The following PIEZO2 variants were observed in gnomAD, a reference collection of about 807,000 sequenced individuals.
PIEZO2 encodes piezo-type mechanosensitive ion channel component 2.
A neutral mutation model predicts 337.3 loss-of-function variants in PIEZO2; 172 were observed. The observed-to-expected ratio is 0.51, with a 90% CI of 0.45 to 0.58. PIEZO2 has a LOEUF of 0.58. Among genes scored for constraint, PIEZO2 ranks in the 20% least tolerant of loss-of-function variants. The pLI, the probability that PIEZO2 is intolerant of heterozygous loss-of-function variation, is 0.00. For missense variants in PIEZO2, 3,028 were observed against 3,391.3 expected (o/e 0.89, Z 2.66); for synonymous variants, 1,251 against 1,228.5 (o/e 1.02, Z -0.38).
intron 48 of PIEZO2, among the ~76,000 whole-genome samples, chr18:10,690,143 C>T (rs549507474): frequency 1.4e-4 from 22 of 152,126 alleles, no homozygotes; most frequent in South Asian, 2.1e-4. Context: ...TGAATGACTG[C>T]GGCTCTGTTG....
intron 2 of PIEZO2, among the ~76,000 whole-genome samples, chr18:10,997,244 C>CAAAAAAAAAAAA (rs574657633): frequency 9.0e-6 from 1 of 111,016 alleles, no homozygotes. Flanking sequence ...TGACTGCCTG[C>CAAAAAAAAAAAA]AAAAAAAAAA....
intron 3 of PIEZO2, among the ~76,000 whole-genome samples, chr18:10,974,174 G>A (rs1477561136): frequency 6.6e-6 from 1 of 152,180 alleles, no homozygotes; most frequent in Non-Finnish European, 1.5e-5. Flanking sequence ...TCTTCTTGTC[G>A]TAGGCCGACG....
intron 39 of PIEZO2, among the ~76,000 whole-genome samples, chr18:10,711,908 A>G (rs1365778423): frequency 6.6e-6 from 1 of 152,244 alleles, no homozygotes; most frequent in African/African-American, 2.4e-5. Flanking sequence ...GACCCAGTCC[A>G]TATTGGATAT....
chr18:10,849,201 G>C (rs2041460359), intron 7 of PIEZO2, among the ~76,000 whole-genome samples: 1 of 152,082 alleles, frequency 6.6e-6, no homozygotes, highest in Admixed American at 6.5e-5. Context: ...CAGTGGAGAC[G>C]GGGTTTTGCC....
intron 4 of PIEZO2, among the ~76,000 whole-genome samples, chr18:10,873,667 T>C (rs1452578879): frequency 6.6e-6 from 1 of 152,190 alleles, no homozygotes; most frequent in African/African-American, 2.4e-5. Context: ...TGTTTCCACG[T>C]ATTTGTTACT....
At chr18:11,025,339 C>T (rs748915378) in intron 2 of PIEZO2, among the ~76,000 whole-genome samples, 7 of 152,088 alleles carry the variant, frequency 4.6e-5, no homozygotes, top group Non-Finnish European at 5.9e-5. Flanking sequence ...GATAGGTAAA[C>T]GGGGCAGATA....
rs920691219 is a variant in PIEZO2, at chr18:10,969,016, A to G, written c.286+10519T>C. Among the ~76,000 whole-genome samples, 1 of 152,228 alleles carries G rather than the reference A, an allele frequency of 6.6e-6. No individual in the cohort carries two copies. The highest frequency in any genetic ancestry group is 2.4e-5 in the African/African-American group (1 of 41,464). On this transcript the variant is annotated intron_variant, in intron 3 of 55. Coordinates refer to ENST00000674853, the MANE Select transcript of PIEZO2 (RefSeq NM_001378183.1). The surrounding 1 kb of genome is among the most constrained non-coding windows in gnomAD (Gnocchi z 4.5). The stretch of plus-strand genomic sequence containing the variant: ...CACCTACCTAAGCCCTAAAATATAC[A>G]TCAATTTTGTAAGTCTGAAAAATAA...
rs566780996 is a variant in PIEZO2, at chr18:10,850,532, T to C, written c.917+4821A>G. Reference sequence around the variant, plus strand: ...ATTTAGAAGTAATGTGGGCACTTGTTGCAGCCTTATTCATGAGAACAAAAA... The same window carrying C: ...ATTTAGAAGTAATGTGGGCACTTGTCGCAGCCTTATTCATGAGAACAAAAA... On this transcript the variant is annotated intron_variant, in intron 7 of 55. Transcript: ENST00000674853. This position sits in a 1 kb window ranked among gnomAD's most constrained non-coding sequence, Gnocchi z 4.5. Among the ~76,000 whole-genome samples, 1 of 152,336 alleles carries C rather than the reference T, an allele frequency of 6.6e-6. No homozygotes were observed. Among genetic ancestry groups the C allele is most frequent in the Non-Finnish European group, 1.5e-5 (1 of 68,028 alleles).
intron 7 of PIEZO2, among the ~76,000 whole-genome samples, chr18:10,842,584 G>A (rs1021258964): frequency 2.0e-5 from 3 of 152,168 alleles, no homozygotes; most frequent in African/African-American, 7.2e-5. Flanking sequence ...GCAGCCTGAG[G>A]CCCTCACCAG....
Position 11,101,613 on chromosome 18 carries a change from C to T in PIEZO2, c.65-35391G>A, listed in dbSNP as rs1204546688. ...TTAAGTGAGAAAACATGACATTTTC[C>T]CCCATGACATTCTATTTCTCAAACC... On this transcript the variant is annotated intron_variant, in intron 1 of 55. Transcript: ENST00000674853. This position sits in a 1 kb window ranked among gnomAD's most constrained non-coding sequence, Gnocchi z 4.4. Among the ~76,000 whole-genome samples the T allele has an allele frequency of 6.6e-5, 10 of 152,154 alleles. No individual in the cohort carries two copies. The highest frequency in any genetic ancestry group is 1.9e-4 in the African/African-American group (8 of 41,438).
chr18:10,724,948 C>A lies in PIEZO2; in HGVS notation c.5029+6459G>T. ...TGGACGGCGATGGAACCCAGGTGGG[C>A]GCACCCTGCGGCCTGCAGCCTCCCT... On this transcript the variant is annotated intron_variant, in intron 36 of 55. Transcript: ENST00000674853. The surrounding 1 kb of genome is among the most constrained non-coding windows in gnomAD (Gnocchi z 5.8). The A allele has an allele frequency of 6.3e-7, 1 of 1,593,670 alleles. No individual in the cohort carries two copies. The highest frequency in any genetic ancestry group is 1.7e-5 in the Admixed American group (1 of 59,230).
Position 10,929,085 on chromosome 18 carries a change from C to G in PIEZO2, c.287-17857G>C, listed in dbSNP as rs145104877. On this transcript the variant is annotated intron_variant, in intron 3 of 55. Transcript: ENST00000674853. This position sits in a 1 kb window ranked among gnomAD's most constrained non-coding sequence, Gnocchi z 5.6. ...TGCTGAGGTTTTGGCTGACTGTGGT[C>G]TCCCAGCTGCTGTTGTAAAGGTATC... Among the ~76,000 whole-genome samples, 1,688 of 152,264 alleles carry G rather than the reference C, an allele frequency of 0.011. 13 individuals are homozygous for G. The highest frequency in any genetic ancestry group is 0.034 in the Middle Eastern group (10 of 294).
At position 10,774,084 on chromosome 18, in the gene PIEZO2, CAGA is replaced by C. The variant is rs1473652255; in HGVS notation, c.2535-49_2535-47del. On this transcript the variant is annotated intron_variant, in intron 18 of 55. Transcript: ENST00000674853. The stretch of plus-strand genomic sequence containing the variant: ...AGAAAGGAAAAAAAGGAGATGAGAA[CAGA>C]AGAATTATAAGGAATGTCAGAGATC... The C allele has an allele frequency of 7.1e-6, 5 of 701,860 alleles. No individual in the cohort carries two copies. The African/African-American group carries it at 8.7e-5, about 12-fold the overall frequency. 43.5% of individuals were successfully genotyped at this position (701,860 alleles called of 1,614,324 possible). A position where few individuals can be genotyped will look rare whatever the true frequency, so the allele number is the denominator to read the frequency against.
At chr18:10,782,473 A>C (rs11663106) in intron 17 of PIEZO2, among the ~76,000 whole-genome samples, 1 of 3,038 alleles carries the variant, frequency 3.3e-4, no homozygotes, top group Non-Finnish European at 9.0e-4. Context: ...ATATTAAATA[A>C]TATATATTAT....
At chr18:10,717,371 C>G (rs941301505) in intron 37 of PIEZO2, among the ~76,000 whole-genome samples, 1 of 152,082 alleles carries the variant, frequency 6.6e-6, no homozygotes, top group African/African-American at 2.4e-5. Flanking sequence ...CATTAGGTGG[C>G]CTTCCGTAAG....
chr18:10,933,962 C>A (rs1222563192), intron 3 of PIEZO2, among the ~76,000 whole-genome samples: 1 of 152,194 alleles, frequency 6.6e-6, no homozygotes, highest in Non-Finnish European at 1.5e-5. Context: ...GCATCCCCAG[C>A]CATGTGAAAC....
At chr18:10,936,432 CA>C (rs1394290185) in intron 3 of PIEZO2, among the ~76,000 whole-genome samples, 2 of 151,518 alleles carry the variant, frequency 1.3e-5, no homozygotes, top group African/African-American at 2.4e-5. Flanking sequence ...TTAAAAAGAA[CA>C]AAAAAAAGTC....
Position 11,110,426 on chromosome 18 carries a change from C to T in PIEZO2, c.64+38099G>A, listed in dbSNP as rs902544008. ...CTCCCCCGCATTCTGGCTGACAGGG[C>T]TTCAGCATGGGCGCTGCGGCCTTAA... On this transcript the variant is annotated intron_variant, in intron 1 of 55. Transcript: ENST00000674853. The surrounding 1 kb of genome is among the most constrained non-coding windows in gnomAD (Gnocchi z 4.2). Among the ~76,000 whole-genome samples, 5 of 152,236 alleles carry T rather than the reference C, an allele frequency of 3.3e-5. No individual in the cohort carries two copies. The South Asian group carries it at 1.0e-3, about 32-fold the overall frequency.
intron 2 of PIEZO2, among the ~76,000 whole-genome samples, chr18:11,026,240 A>G (rs1263574831): frequency 2.0e-5 from 3 of 152,198 alleles, no homozygotes; most frequent in African/African-American, 7.2e-5. Flanking sequence ...TGTTTCACAC[A>G]TTATTTCTAT....
Sources: gnomAD v4.1 joint callset for allele counts (sites outside exome capture counted in the v4.1 genomes callset) on GRCh38, gnomAD v4.1.1 for gene constraint, Gnocchi (gnomAD v3.1) non-coding constraint, MANE v1.5 for transcripts, NCBI Gene and HGNC (gene_info 2026-07-23, HGNC 2026-07-21) for gene names.